Variants in ODAD2 observed in about 807,000 individuals in gnomAD.
The protein encoded by ODAD2 is outer dynein arm docking complex subunit 2, also known as outer dynein arm-docking complex subunit 2.
In ODAD2, 89 loss-of-function variants were observed where a neutral mutation model predicts 106.8. The observed-to-expected ratio is 0.83, with a 90% confidence interval of 0.70 to 0.99. ODAD2 has a LOEUF of 0.99. Ranked by LOEUF, ODAD2 falls within the 50% of genes least tolerant of loss-of-function variation. ODAD2 has a pLI of 0.00. For synonymous variants in ODAD2, 404 were observed against 436.2 expected (o/e 0.93, Z 0.92); for missense variants, 1,168 against 1,238.5 (o/e 0.94, Z 0.85).
intron 10 of ODAD2, among the ~76,000 whole-genome samples, chr10:27,954,335 C>T (rs1217549610): frequency 6.6e-6 from 1 of 152,202 alleles, no homozygotes; most frequent in East Asian, 1.9e-4. Flanking sequence ...GTTGCAAATA[C>T]ATGGGGCAAG....
intron 2 of ODAD2, among the ~76,000 whole-genome samples, chr10:27,993,959 A>AATATAT (rs33977457): frequency 0.024 from 3,068 of 129,414 alleles, 128 homozygotes; most frequent in East Asian, 0.17. Context: ...GAGGCTGGCA[A>AATATAT]ATATATATAT....
At chr10:27,969,788 G>C (rs1287954656) in intron 8 of ODAD2, among the ~76,000 whole-genome samples, 1 of 152,142 alleles carries the variant, frequency 6.6e-6, no homozygotes, top group Non-Finnish European at 1.5e-5. Flanking sequence ...CCTACAGGCT[G>C]CAACTTGTAA....
intron 17 of ODAD2, among the ~76,000 whole-genome samples, chr10:27,871,610 G>A (rs1376638442): frequency 6.6e-6 from 1 of 152,150 alleles, no homozygotes; most frequent in Admixed American, 6.5e-5. Flanking sequence ...TATTAAATAG[G>A]GAATCCTTTC....
chr10:27,882,173 A>AAGAAAG (rs1554799030), intron 17 of ODAD2, among the ~76,000 whole-genome samples: 3 of 109,682 alleles, frequency 2.7e-5, no homozygotes, highest in African/African-American at 7.0e-5. Context: ...GTCATAAAAA[A>AAGAAAG]AAAGAAAGAA....
chr10:27,915,145 C>T (rs1370936248), intron 16 of ODAD2, among the ~76,000 whole-genome samples: 1 of 152,108 alleles, frequency 6.6e-6, no homozygotes, highest in Non-Finnish European at 1.5e-5. Context: ...GTAAAAACCA[C>T]ACCTACACAC....
intron 16 of ODAD2, among the ~76,000 whole-genome samples, chr10:27,930,957 C>T (rs57190054): frequency 0.024 from 3,584 of 152,258 alleles, 117 homozygotes; most frequent in African/African-American, 0.072. Flanking sequence ...GAAATGTCTA[C>T]GAAATGGCTG....
intron 9 of ODAD2, among the ~76,000 whole-genome samples, chr10:27,967,021 G>A (rs868631608): frequency 8.7e-5 from 13 of 148,820 alleles, no homozygotes; most frequent in Middle Eastern, 3.4e-3. Flanking sequence ...TGGAAAAGCC[G>A]GCAAAGCAGA....
At chr10:27,890,758 G>A (rs1842502994) in intron 17 of ODAD2, among the ~76,000 whole-genome samples, 1 of 116,596 alleles carries the variant, frequency 8.6e-6, no homozygotes. Context: ...TGAAAATCTG[G>A]TATATATATA....
At chr10:27,963,943 C>T (rs1427759375) in intron 9 of ODAD2, among the ~76,000 whole-genome samples, 1 of 152,040 alleles carries the variant, frequency 6.6e-6, no homozygotes, top group Non-Finnish European at 1.5e-5. Flanking sequence ...TAATTTGGGC[C>T]GGGCATGGTG....
chr10:27,858,052 C>A (rs1029898961), intron 19 of ODAD2, among the ~76,000 whole-genome samples: 1 of 152,168 alleles, frequency 6.6e-6, no homozygotes, highest in Non-Finnish European at 1.5e-5. Context: ...ATTGAACCAC[C>A]CTGATGTGCC....
Position 27,971,167 on chromosome 10 carries a change from AT to A in ODAD2, c.1082del (p.Asn361IlefsTer3). 1 of 1,613,902 alleles carries A rather than the reference AT, an allele frequency of 6.2e-7. No homozygotes were observed. Among genetic ancestry groups the A allele is most frequent in the South Asian group, 1.1e-5 (1 of 91,072 alleles). ...TTGGTTCCCATCTCTTGGTCATTTG[AT>A]TCCTCCAAAAATTAATTTGGTTCTT... ...LEKNQINFWRNQMTKRWEPSL... is the reference protein window; with the variant it reads ...LEKNQINFWRXQMTKRWEPSL... On this transcript the variant is annotated frameshift_variant, in exon 8 of 20. Transcript: ENST00000305242. LOFTEE classifies it high-confidence loss of function.
chr10:27,894,263 T>C (rs1296372182), intron 17 of ODAD2, among the ~76,000 whole-genome samples: 4 of 152,082 alleles, frequency 2.6e-5, no homozygotes, highest in Admixed American at 6.6e-5. Flanking sequence ...CTAAATTCAA[T>C]ATAACCAAGT....
chr10:27,938,315 A>C (rs1846139110), intron 14 of ODAD2, among the ~76,000 whole-genome samples: 1 of 152,172 alleles, frequency 6.6e-6, no homozygotes, highest in Non-Finnish European at 1.5e-5. Flanking sequence ...TTACTTGAGT[A>C]GGCCCTGCTC....
intron 12 of ODAD2, among the ~76,000 whole-genome samples, chr10:27,941,338 A>G (rs190074077): frequency 4.2e-5 from 6 of 142,316 alleles, no homozygotes; most frequent in Non-Finnish European, 1.5e-5. Flanking sequence ...AAAAAAAAAA[A>G]GCTGGATGTG....
intron 19 of ODAD2, among the ~76,000 whole-genome samples, chr10:27,857,183 T>C (rs1201880388): frequency 6.6e-6 from 1 of 152,202 alleles, no homozygotes; most frequent in African/African-American, 2.4e-5. Context: ...CAGCCTACTC[T>C]ACGTGAAGAT....
intron 10 of ODAD2, among the ~76,000 whole-genome samples, chr10:27,955,134 A>G (rs893212502): frequency 6.6e-6 from 1 of 152,226 alleles, no homozygotes; most frequent in Admixed American, 6.5e-5. Flanking sequence ...TGCCTTTCTA[A>G]CTACTGGAGT....
Position 27,985,214 on chromosome 10 carries a change from G to C in ODAD2, c.383-3C>G. ...TTTTACTATGGGGTCTCTGTTAGCT[G>C]CCAAAAAAAAAAAAAAGGAGACAAA... On this transcript the variant is annotated splice_polypyrimidine_tract_variant and splice_region_variant and intron_variant, in intron 3 of 19. Transcript: ENST00000305242. 1.4e-6 allele frequency: 2 copies of C among 1,391,162 alleles called. No individual in the cohort carries two copies. Among genetic ancestry groups the C allele is most frequent in the Non-Finnish European group, 9.3e-7 (1 of 1,072,394 alleles). 86.2% of individuals were successfully genotyped at this position (1,391,162 alleles called of 1,614,324 possible).
intron 12 of ODAD2, among the ~76,000 whole-genome samples, chr10:27,942,612 T>C (rs1846537502): frequency 6.6e-6 from 1 of 152,222 alleles, no homozygotes; most frequent in African/African-American, 2.4e-5. Context: ...GTAGTGTCAG[T>C]AGACAGTCAC....
At chr10:27,910,510 C>G (rs1303281495) in intron 16 of ODAD2, among the ~76,000 whole-genome samples, 1 of 152,186 alleles carries the variant, frequency 6.6e-6, no homozygotes, top group Non-Finnish European at 1.5e-5. Context: ...AATCCTAACA[C>G]TTTGGGAGGC....
Sources: gnomAD v4.1 joint callset for allele counts (sites outside exome capture counted in the v4.1 genomes callset) on GRCh38, gnomAD v4.1.1 for gene constraint, MANE v1.5 for transcripts, NCBI Gene and HGNC (gene_info 2026-07-23, HGNC 2026-07-21) for gene names.